ADAMTS6: variants seen among roughly 807,000 people sequenced by gnomAD.
ADAMTS6 encodes the protein A disintegrin and metalloproteinase with thrombospondin motifs 6.
A neutral mutation model predicts 144.3 loss-of-function variants in ADAMTS6; 23 were observed. The observed-to-expected ratio is 0.16, with a 90% CI of 0.11 to 0.23. The LOEUF is 0.23. ADAMTS6 is among the 10% of genes least tolerant of loss of function. ADAMTS6 has a pLI of 1.00. For synonymous variants in ADAMTS6, 444 were observed against 457.5 expected (o/e 0.97, Z 0.38); for missense variants, 999 against 1,379.6 (o/e 0.72, Z 4.37).
intron 9 of ADAMTS6, among the ~76,000 whole-genome samples, chr5:65,324,608 T>C (rs533340848): frequency 6.6e-6 from 1 of 151,996 alleles, no homozygotes; most frequent in South Asian, 2.1e-4. Context: ...AAAGTCTTTA[T>C]CATATTTATA....
intron 7 of ADAMTS6, among the ~76,000 whole-genome samples, chr5:65,379,849 T>C (rs553772932): frequency 2.6e-5 from 4 of 152,098 alleles, no homozygotes; most frequent in African/African-American, 9.6e-5. Context: ...ATTATATAAA[T>C]AATTATATAT....
intron 3 of ADAMTS6, among the ~76,000 whole-genome samples, chr5:65,468,060 A>G (rs1263655560): frequency 1.3e-5 from 2 of 151,910 alleles, no homozygotes; most frequent in East Asian, 1.9e-4. Flanking sequence ...GAAACTCCAG[A>G]AAAAACAAAA....
At chr5:65,429,877 C>A (rs1008002170) in intron 7 of ADAMTS6, among the ~76,000 whole-genome samples, 2 of 152,192 alleles carry the variant, frequency 1.3e-5, no homozygotes, top group East Asian at 1.9e-4. Context: ...GTACCTCTAT[C>A]TTTTCTGTTT....
At chr5:65,192,870 T>C in intron 21 of ADAMTS6, among the ~76,000 whole-genome samples, 1 of 151,980 alleles carries the variant, frequency 6.6e-6, no homozygotes, top group East Asian at 1.9e-4. Flanking sequence ...CTATTTTTCC[T>C]AGTCCTCCGT....
At chr5:65,227,519 T>C (rs1478809609) in intron 15 of ADAMTS6, among the ~76,000 whole-genome samples, 1 of 152,214 alleles carries the variant, frequency 6.6e-6, no homozygotes, top group Non-Finnish European at 1.5e-5. Context: ...AAACTTCTAT[T>C]TGAAATAAAG....
intron 20 of ADAMTS6, among the ~76,000 whole-genome samples, chr5:65,199,939 C>T (rs892648550): frequency 6.6e-6 from 1 of 152,084 alleles, no homozygotes; most frequent in African/African-American, 2.4e-5. Flanking sequence ...TTTCAGAATG[C>T]TATTTTTTAT....
chr5:65,432,522 T>TCACA (rs200225081), intron 7 of ADAMTS6, among the ~76,000 whole-genome samples: 68 of 151,584 alleles, frequency 4.5e-4, no homozygotes, highest in African/African-American at 1.6e-3. Context: ...TAGCACTTAA[T>TCACA]CACACACACA....
intron 7 of ADAMTS6, among the ~76,000 whole-genome samples, chr5:65,340,280 A>G (rs1747698086): frequency 6.6e-6 from 1 of 152,122 alleles, no homozygotes; most frequent in African/African-American, 2.4e-5. Context: ...CAGCAAAGCT[A>G]TCCTTCAGAA....
chr5:65,320,151 A>T (rs1415718606), intron 9 of ADAMTS6, among the ~76,000 whole-genome samples: 1 of 152,166 alleles, frequency 6.6e-6, no homozygotes, highest in South Asian at 2.1e-4. Context: ...CCACCAAAAG[A>T]TGTTTTTTAA....
At chr5:65,423,645 A>G (rs1024246286) in intron 7 of ADAMTS6, among the ~76,000 whole-genome samples, 4 of 152,096 alleles carry the variant, frequency 2.6e-5, no homozygotes, top group Non-Finnish European at 5.9e-5. Flanking sequence ...CTTTTTTTTA[A>G]TGCCAGTAAA....
chr5:65,174,020 C>A (rs200733876), intron 22 of ADAMTS6, among the ~76,000 whole-genome samples: 62 of 141,508 alleles, frequency 4.4e-4, no homozygotes, highest in Non-Finnish European at 5.4e-4. Context: ...GATTCTGTCT[C>A]AAAAAAAAAA....
intron 7 of ADAMTS6, among the ~76,000 whole-genome samples, chr5:65,387,959 C>G (rs2150143662): frequency 6.6e-6 from 1 of 152,184 alleles, no homozygotes; most frequent in African/African-American, 2.4e-5. Context: ...ACCTGTAATC[C>G]CAGCACTTTG....
chr5:65,164,279 T>G (rs931892566), intron 24 of ADAMTS6, among the ~76,000 whole-genome samples: 4 of 151,934 alleles, frequency 2.6e-5, no homozygotes, highest in Admixed American at 1.3e-4. Context: ...TGGACGCAGC[T>G]GGAAAATCGG....
chr5:65,291,109 C>T (rs1472295325), intron 11 of ADAMTS6, among the ~76,000 whole-genome samples: 1 of 152,148 alleles, frequency 6.6e-6, no homozygotes, highest in Non-Finnish European at 1.5e-5. Flanking sequence ...ATTCTACCTG[C>T]ATCCCTCACA....
intron 15 of ADAMTS6, among the ~76,000 whole-genome samples, chr5:65,235,707 G>C (rs1424546786): frequency 6.6e-6 from 1 of 152,136 alleles, no homozygotes; most frequent in Non-Finnish European, 1.5e-5. Flanking sequence ...GGCTCTCCTT[G>C]CTCCTCAGCC....
rs776201146 is a variant in ADAMTS6, at chr5:65,260,621, C to T, written c.1809G>A (p.Arg603=). 8 of 1,613,382 alleles carry T rather than the reference C, an allele frequency of 5.0e-6. No homozygotes were observed. The highest frequency in any genetic ancestry group is 6.8e-6 in the Non-Finnish European group (8 of 1,179,734). Residue 603 remains arginine (R), a synonymous_variant, in exon 14 of 25, where the codon CGG becomes CGA. Coordinates refer to ENST00000381055, the MANE Select transcript of ADAMTS6 (RefSeq NM_197941.4). ...GGKYCLGERK[R]YRSCNTDPCP... is the part of the protein sequence containing the mutation. ...TTACATCTGTGTTACAGGAGCGATA[C>T]CGTTTCCTTTCCCCAAGGCAATATT...
chr5:65,190,875 C>T (rs1754977560), intron 21 of ADAMTS6, among the ~76,000 whole-genome samples: 1 of 152,078 alleles, frequency 6.6e-6, no homozygotes, highest in Admixed American at 6.6e-5. Flanking sequence ...AAATCACACC[C>T]TAGTTATTTA....
intron 12 of ADAMTS6, among the ~76,000 whole-genome samples, chr5:65,271,172 A>C (rs1762023783): frequency 6.6e-6 from 1 of 151,852 alleles, no homozygotes; most frequent in South Asian, 2.1e-4. Context: ...GGCGGATCAC[A>C]AGGTCAGGAG....
intron 22 of ADAMTS6, among the ~76,000 whole-genome samples, chr5:65,183,148 G>A (rs1457717640): frequency 6.6e-6 from 1 of 152,230 alleles, no homozygotes; most frequent in Non-Finnish European, 1.5e-5. Flanking sequence ...CTGACCTTAT[G>A]TCAGAGATGT....
Sources: gnomAD v4.1 joint callset for allele counts (sites outside exome capture counted in the v4.1 genomes callset) on GRCh38, gnomAD v4.1.1 for gene constraint, MANE v1.5 for transcripts, NCBI Gene and HGNC (gene_info 2026-07-23, HGNC 2026-07-21) for gene names.